POLR3C: variants seen among roughly 807,000 people sequenced by gnomAD.
POLR3C encodes DNA-directed RNA polymerase III subunit RPC3.
POLR3C carries 44 observed loss-of-function variants against 65.9 expected under a neutral mutation model. The observed-to-expected ratio is 0.67, with a 90% CI of 0.52 to 0.86. The LOEUF is 0.86. Among genes scored for constraint, POLR3C ranks in the 40% least tolerant of loss-of-function variants. The pLI, the probability that POLR3C is intolerant of heterozygous loss-of-function variation, is 0.00. For missense variants in POLR3C, 576 were observed against 653.2 expected (o/e 0.88, Z 1.29); for synonymous variants, 263 against 231.6 (o/e 1.14, Z -1.23).
At chr1:145,840,464 C>T (rs1407197420) in intron 13 of POLR3C, 1 of 346,406 alleles carries the variant, frequency 2.9e-6, no homozygotes, top group African/African-American at 2.1e-5. Flanking sequence ...CACTTAAACC[C>T]AGTGAGTGGA....
chr1:145,838,702 C>CA (rs1284680661), intron 11 of POLR3C, among the ~76,000 whole-genome samples: 131 of 151,780 alleles, frequency 8.6e-4, no homozygotes, highest in African/African-American at 3.1e-3. Flanking sequence ...ACAAAAAAAA[C>CA]AAAAAACAAA....
At chr1:145,827,936 AAAAAG>A (rs781818535) in intron 4 of POLR3C, among the ~76,000 whole-genome samples, 76 of 152,174 alleles carry the variant, frequency 5.0e-4, no homozygotes, top group Non-Finnish European at 8.4e-4. Context: ...TCGGGAAAAA[AAAAAG>A]AAAAGAAAAT....
chr1:145,838,747 C>T (rs1652062513), intron 11 of POLR3C, among the ~76,000 whole-genome samples: 2 of 152,102 alleles, frequency 1.3e-5, no homozygotes, highest in African/African-American at 4.8e-5. Flanking sequence ...CCCAAACCCA[C>T]CCTGCCTTTT....
rs1441379155 is a variant in POLR3C at position 145,826,688 on chromosome 1, C to T, written c.382C>T (p.Arg128Trp). The T allele has an allele frequency of 2.5e-6, 4 of 1,614,070 alleles. No individual in the cohort carries two copies. The highest frequency in any genetic ancestry group is 1.1e-5 in the South Asian group (1 of 91,080). Residue 128 changes from arginine to tryptophan, a missense_variant, in exon 3 of 15, where the codon CGG (arginine) becomes TGG (tryptophan). By Grantham distance (101) the Arg-to-Trp change is moderately radical. Coordinates refer to ENST00000334163, the MANE Select transcript of POLR3C (RefSeq NM_006468.8). ...MSAVVKKVAD[R>W]LTETMEDGKT... is the part of the protein sequence containing the mutation. ...AGCTGTTGTGAAGAAAGTGGCAGAC[C>T]GGCTCACAGAGACCATGGAGGGTCA... is the stretch of plus-strand genomic sequence containing the variant.
rs1652402163 is a variant in POLR3C at position 145,842,914 on chromosome 1, G to C, written c.*494G>C. Among the ~76,000 whole-genome samples the C allele has an allele frequency of 6.6e-6, 1 of 152,096 alleles. No homozygotes were observed. Among genetic ancestry groups the C allele is most frequent in the South Asian group, 2.1e-4 (1 of 4,830 alleles). On this transcript the variant is annotated 3_prime_UTR_variant, in exon 15 of 15. Coordinates refer to ENST00000334163, the MANE Select transcript of POLR3C (RefSeq NM_006468.8). Reference sequence around the variant, plus strand: ...TACAGCCTTGACCTCCTGAGCTCAAGCAGTCCTTCCACCTCAGCCTCTGGA... The same window carrying C: ...TACAGCCTTGACCTCCTGAGCTCAACCAGTCCTTCCACCTCAGCCTCTGGA...
Position 145,824,260 on chromosome 1 carries a change from A to G in POLR3C, c.-130A>G, listed in dbSNP as rs918082719. On this transcript the variant is annotated 5_prime_UTR_variant, in exon 1 of 15. Coordinates refer to ENST00000334163, the MANE Select transcript of POLR3C (RefSeq NM_006468.8). The stretch of plus-strand genomic sequence containing the variant: ...TTCGGTGGCGATCCGCGTCCTAGAA[A>G]GGGCGGTGGGCTCCACCTCGGCCTA... 7.5e-6 allele frequency: 2 copies of G among 267,394 alleles called. No homozygotes were observed. Among genetic ancestry groups the G allele is most frequent in the Admixed American group, 5.5e-5 (1 of 18,110 alleles). The allele number at this position is 267,394 out of a possible 1,614,324, so 16.6% of individuals were successfully genotyped here.
At chr1:145,835,444 CAAA>C (rs781982068) in intron 7 of POLR3C, among the ~76,000 whole-genome samples, 1 of 104,188 alleles carries the variant, frequency 9.6e-6, no homozygotes, top group Non-Finnish European at 2.0e-5. Flanking sequence ...GACTCTGTCT[CAAA>C]AAAAAAAAAA....
intron 5 of POLR3C, among the ~76,000 whole-genome samples, chr1:145,832,766 A>G (rs1553727501): frequency 1.3e-5 from 2 of 152,144 alleles, no homozygotes; most frequent in East Asian, 1.9e-4. Flanking sequence ...GCTCACACCT[A>G]TAATCCCAGC....
chr1:145,828,734 T>C lies in POLR3C; in HGVS notation c.590-15T>C, dbSNP rs904807368. 9 of 1,558,624 alleles carry C rather than the reference T, an allele frequency of 5.8e-6. No homozygotes were observed. Among genetic ancestry groups the C allele is most frequent in the African/African-American group, 1.4e-5 (1 of 73,814 alleles). On this transcript the variant is annotated splice_polypyrimidine_tract_variant and intron_variant, in intron 4 of 14. Coordinates refer to ENST00000334163, the MANE Select transcript of POLR3C (RefSeq NM_006468.8). ...TATGAGATATAGTCTAAGTGTTTAA[T>C]TGTTTGTTTGGCAGGGAAAGGTAAA...
chr1:145,827,097 G>A, intron 4 of POLR3C, 92 bp downstream of exon 4: 2 of 1,050,306 alleles, frequency 1.9e-6, no homozygotes, highest in Non-Finnish European at 2.9e-6. Flanking sequence ...TATTTACCAA[G>A]TATTTGCTAT....
chr1:145,838,716 G>A (rs766654504), intron 11 of POLR3C, among the ~76,000 whole-genome samples: 90 of 151,968 alleles, frequency 5.9e-4, no homozygotes, highest in Non-Finnish European at 1.1e-3. Context: ...AAACAAAAAA[G>A]AGGCAGAGCC....
chr1:145,842,442 A>AG lies in POLR3C; in HGVS notation c.*23dup. 4.0e-6 allele frequency: 6 copies of AG among 1,494,344 alleles called. No individual in the cohort carries two copies. Among genetic ancestry groups the AG allele is most frequent in the Non-Finnish European group, 4.7e-6 (5 of 1,071,798 alleles). 92.6% of individuals were successfully genotyped at this position (1,494,344 alleles called of 1,614,324 possible). A position where few individuals can be genotyped will look rare whatever the true frequency, so the allele number is the denominator to read the frequency against. ...GTGATCCAGAAGAAGCATCTTCCTC[A>AG]GAAGATCTGGGGGGATGGAAAGCAA... On this transcript the variant is annotated 3_prime_UTR_variant, in exon 15 of 15. Coordinates refer to ENST00000334163, the MANE Select transcript of POLR3C (RefSeq NM_006468.8).
chr1:145,833,445 G>A (rs1321009708), intron 6 of POLR3C, 45 bp from the exon 7 acceptor site: 3 of 1,542,486 alleles, frequency 1.9e-6, no homozygotes, highest in African/African-American at 2.7e-5. Flanking sequence ...CATAGAGCCA[G>A]GGGCAGCACT....
intron 1 of POLR3C, among the ~76,000 whole-genome samples, chr1:145,825,102 A>AT (rs1210843489): frequency 5.2e-4 from 79 of 151,074 alleles, no homozygotes; most frequent in Non-Finnish European, 9.7e-4. Flanking sequence ...ATTATGAGTA[A>AT]TTTTTTTTGT....
chr1:145,825,957 C>G (rs782435884), intron 2 of POLR3C, 34 bp downstream of exon 2: 1 of 1,534,770 alleles, frequency 6.5e-7, no homozygotes, highest in South Asian at 1.1e-5. Flanking sequence ...TCTCTCATTT[C>G]TTTCACTAAT....
intron 14 of POLR3C, 66 bp downstream of exon 14, chr1:145,841,137 G>C (rs1412115616): frequency 1.3e-5 from 18 of 1,391,950 alleles, no homozygotes; most frequent in African/African-American, 4.2e-5. Flanking sequence ...TTGACCTCCT[G>C]TAACCCTCCA....
chr1:145,836,773 T>C, intron 8 of POLR3C, 42 bp from the exon 9 acceptor site: 3 of 1,326,920 alleles, frequency 2.3e-6, no homozygotes, highest in Non-Finnish European at 3.3e-6. Flanking sequence ...ACAGAATCAC[T>C]GGACTTTCCG....
chr1:145,840,051 C>A, intron 12 of POLR3C, 60 bp downstream of exon 12: 1 of 1,492,628 alleles, frequency 6.7e-7, no homozygotes, highest in Non-Finnish European at 9.4e-7. Flanking sequence ...CCTCATGTGC[C>A]CACTTCGCCC....
At chr1:145,834,777 G>T (rs1553728113) in intron 7 of POLR3C, among the ~76,000 whole-genome samples, 1 of 152,124 alleles carries the variant, frequency 6.6e-6, no homozygotes, top group African/African-American at 2.4e-5. Context: ...CACACGGTCC[G>T]TTGTTGACTA....
Sources: gnomAD v4.1 joint callset for allele counts (sites outside exome capture counted in the v4.1 genomes callset) on GRCh38, gnomAD v4.1.1 for gene constraint, MANE v1.5 for transcripts, NCBI Gene and HGNC (gene_info 2026-07-23, HGNC 2026-07-21) for gene names.